The following TRPM8 variants were observed in gnomAD, a reference collection of about 807,000 sequenced individuals.
TRPM8 encodes the protein transient receptor potential cation channel subfamily M member 8, also known as TRPM8 cationic channel.
Under a neutral mutation model 133.7 loss-of-function variants are expected in TRPM8, and 110 were observed. The ratio of observed to expected loss-of-function variants is 0.82; its 90% CI spans 0.70 to 0.96. The LOEUF (loss-of-function observed/expected upper bound fraction) is 0.96. Among genes scored for constraint, TRPM8 ranks in the 40% least tolerant of loss-of-function variants. TRPM8 has a pLI of 0.00. For missense variants in TRPM8, 1,291 were observed against 1,379.5 expected (o/e 0.94, Z 1.02); for synonymous variants, 535 against 532.3 (o/e 1.01, Z -0.07).
Position 233,947,598 on chromosome 2 carries a change from G to A in TRPM8, c.942+443G>A, listed in dbSNP as rs766448295. On this transcript the variant is annotated intron_variant, in intron 8 of 25. Transcript: ENST00000324695. Reference sequence around the variant, plus strand: ...GGGGATGCAGGTATGTTGCATGATGGAATTCCAAACCCTAAGTGATTCTGA... The same window carrying A: ...GGGGATGCAGGTATGTTGCATGATGAAATTCCAAACCCTAAGTGATTCTGA... The A allele has an allele frequency of 4.6e-6, 6 of 1,290,404 alleles. No individual in the cohort carries two copies. The South Asian group carries it at 6.2e-5, about 13-fold the overall frequency. 79.9% of individuals were successfully genotyped at this position (1,290,404 alleles called of 1,614,324 possible). A position where few individuals can be genotyped will look rare whatever the true frequency, so the allele number is the denominator to read the frequency against.
intron 15 of TRPM8, among the ~76,000 whole-genome samples, chr2:233,969,297 G>C (rs1459712269): frequency 1.3e-5 from 2 of 150,526 alleles, no homozygotes; most frequent in Non-Finnish European, 2.9e-5. Context: ...GACCAACATG[G>C]AGAAATCCCG....
At chr2:233,924,547 G>C (rs1335537891) in intron 1 of TRPM8, among the ~76,000 whole-genome samples, 1 of 152,112 alleles carries the variant, frequency 6.6e-6, no homozygotes, top group African/African-American at 2.4e-5. Flanking sequence ...TGCTATCTAA[G>C]ACTGTATGCC....
intron 2 of TRPM8, among the ~76,000 whole-genome samples, chr2:233,928,212 G>A (rs565925611): frequency 4.6e-5 from 7 of 151,810 alleles, no homozygotes; most frequent in Admixed American, 2.0e-4. Flanking sequence ...CTCGTGAGCC[G>A]CCCACCTCGG....
At chr2:234,005,808 G>A (rs1033427769) in intron 22 of TRPM8, among the ~76,000 whole-genome samples, 2 of 152,004 alleles carry the variant, frequency 1.3e-5, no homozygotes, top group Non-Finnish European at 2.9e-5. Flanking sequence ...CTGCTTGGGA[G>A]GCTGAGGCAG....
chr2:233,959,324 C>CT (rs1375355369), intron 11 of TRPM8, among the ~76,000 whole-genome samples: 77 of 129,944 alleles, frequency 5.9e-4, no homozygotes, highest in East Asian at 5.5e-3. Context: ...CCTCGCCCAG[C>CT]CTTTTTTTTT....
intron 18 of TRPM8, 146 bp downstream of exon 18, chr2:233,980,425 C>T (rs1275957380): frequency 3.7e-6 from 2 of 544,560 alleles, no homozygotes; most frequent in Non-Finnish European, 6.2e-6. Context: ...TATAGAGATA[C>T]ACCTTGGTTG....
intron 24 of TRPM8, among the ~76,000 whole-genome samples, chr2:234,012,250 C>A (rs916239152): frequency 6.6e-6 from 1 of 151,418 alleles, no homozygotes; most frequent in Non-Finnish European, 1.5e-5. Flanking sequence ...TGGGTTCAAG[C>A]GATTCTCCTG....
At chr2:233,990,798 C>T (rs12465950) in intron 21 of TRPM8, among the ~76,000 whole-genome samples, 35,501 of 152,086 alleles carry the variant, frequency 0.23, 4,872 homozygotes, top group Admixed American at 0.33. Flanking sequence ...GCTCTGACCA[C>T]CTCATCTAAC....
intron 8 of TRPM8, among the ~76,000 whole-genome samples, chr2:233,948,244 A>C (rs1389978510): frequency 6.6e-6 from 1 of 152,224 alleles, no homozygotes. Context: ...ATATTTATTG[A>C]GTACCCGCTA....
chr2:233,974,887 C>G (rs111907794), intron 17 of TRPM8, among the ~76,000 whole-genome samples: 4 of 149,526 alleles, frequency 2.7e-5, no homozygotes, highest in South Asian at 4.3e-4. Context: ...GAGAGAGAGA[C>G]AGAGAGAGAG....
At chr2:233,973,109 C>A (rs552987535) in intron 17 of TRPM8, among the ~76,000 whole-genome samples, 1 of 152,348 alleles carries the variant, frequency 6.6e-6, no homozygotes, top group African/African-American at 2.4e-5. Context: ...ATTCTTGCCC[C>A]AGGACGGGGC....
chr2:233,961,665 T>C (rs1045175922), intron 12 of TRPM8, among the ~76,000 whole-genome samples: 8 of 147,080 alleles, frequency 5.4e-5, no homozygotes, highest in African/African-American at 1.8e-4. Context: ...AGTCCCACTC[T>C]GTTGCCAAGG....
At chr2:234,017,093 C>T (rs555313318) in intron 25 of TRPM8, among the ~76,000 whole-genome samples, 11 of 150,254 alleles carry the variant, frequency 7.3e-5, no homozygotes, top group South Asian at 2.1e-4. Context: ...CAGCTCACAC[C>T]GATAAACTGG....
chr2:233,977,001 GA>G (rs1221090983), intron 17 of TRPM8, among the ~76,000 whole-genome samples: 1 of 152,070 alleles, frequency 6.6e-6, no homozygotes, highest in Non-Finnish European at 1.5e-5. Flanking sequence ...GGGAAAAAAA[GA>G]AAAAAGAACC....
chr2:233,940,952 G>A (rs962307007), intron 5 of TRPM8, among the ~76,000 whole-genome samples: 1 of 152,186 alleles, frequency 6.6e-6, no homozygotes. Context: ...AGGGTTCATG[G>A]CTCGTCATAG....
At position 233,961,056 on chromosome 2, in the gene TRPM8, T is replaced by C. The variant is rs753795743; in HGVS notation, c.1643T>C (p.Ile548Thr). ...AGAAATGGCCGGGACGAGATGGACA[T>C]AGAACTCCACGTAGGTACTGGGAGA... ...EDRNGRDEMD[I>T]ELHDVSPITR... Residue 548 changes from isoleucine (I) to threonine (T), a missense_variant, in exon 12 of 26, where the codon ATA (isoleucine) becomes ACA (threonine). Around this residue, in one of 2 missense-constraint regions of TRPM8, gnomAD observed 963 missense variants for 968.9 expected, o/e 0.99. Coordinates refer to ENST00000324695, the MANE Select transcript of TRPM8 (RefSeq NM_024080.5). 6 of 1,613,784 alleles carry C rather than the reference T, an allele frequency of 3.7e-6. No homozygotes were observed. Among genetic ancestry groups the C allele is most frequent in the Admixed American group, 1.7e-5 (1 of 60,018 alleles).
At chr2:233,929,204 T>C (rs1167546416) in intron 2 of TRPM8, among the ~76,000 whole-genome samples, 2 of 152,184 alleles carry the variant, frequency 1.3e-5, no homozygotes, top group Non-Finnish European at 2.9e-5. Flanking sequence ...AAGTCATGAC[T>C]AACTGGAAAA....
rs1289510533 is a variant in TRPM8, at chr2:233,927,746, CTTTCTTTCTTTCTTTCTTT to C, written c.117+1093_117+1111del. 4.7e-5 allele frequency among the ~76,000 whole-genome samples: 3 copies of C among 64,108 alleles called. No individual in the cohort carries two copies. The Admixed American group carries it at 5.1e-4, about 11-fold the overall frequency. The allele number at this position is 64,108 out of a possible 152,430, so 42.1% of individuals were successfully genotyped here. ...TCTTTCTTTCTTTCTTTCTTTCTTTCTTTCTTTCTTTCTTTCTTTCTTTCTTTCTTTCTTTCTTTCTTTC... is the reference window on the plus strand; with the variant it reads ...TCTTTCTTTCTTTCTTTCTTTCTTTCCTTTCTTTCTTTCTTTCTTTCTTTC... On this transcript the variant is annotated intron_variant, in intron 2 of 25. Coordinates refer to ENST00000324695, the MANE Select transcript of TRPM8 (RefSeq NM_024080.5).
intron 3 of TRPM8, among the ~76,000 whole-genome samples, chr2:233,931,017 C>T (rs1691669207): frequency 6.6e-6 from 1 of 152,198 alleles, no homozygotes; most frequent in African/African-American, 2.4e-5. Context: ...ATTGGGAACC[C>T]ACCTGAGTGA....
Sources: allele counts gnomAD v4.1 joint callset (sites outside exome capture counted in the v4.1 genomes callset), GRCh38; gene constraint gnomAD v4.1.1; regional missense constraint gnomAD v4.1.1; transcripts MANE v1.5; gene names NCBI Gene and HGNC (gene_info 2026-07-23, HGNC 2026-07-21).